NCKAP5: variants seen among roughly 807,000 people sequenced by gnomAD.
The protein encoded by NCKAP5 is NCK associated protein 5.
Under a neutral mutation model 167.0 loss-of-function variants are expected in NCKAP5, and 92 were observed. The ratio of observed to expected loss-of-function variants is 0.55; its 90% CI spans 0.47 to 0.66. NCKAP5 has a LOEUF of 0.66. Among genes scored for constraint, NCKAP5 ranks in the 30% least tolerant of loss-of-function variants. The probability of loss-of-function intolerance (pLI) is 0.00; values close to 1 mark genes in which losing one functional copy is unlikely to be tolerated. For synonymous variants in NCKAP5, 891 were observed against 877.4 expected (o/e 1.02, Z -0.27); for missense variants, 2,378 against 2,315.0 (o/e 1.03, Z -0.56).
chr2:133,218,846 C>T (rs1041825125), intron 4 of NCKAP5, among the ~76,000 whole-genome samples: 2 of 152,168 alleles, frequency 1.3e-5, no homozygotes, highest in Admixed American at 6.5e-5. Context: ...ACTATTAGGA[C>T]TGTCACACTG....
chr2:133,436,658 G>A (rs1326014544), intron 3 of NCKAP5, among the ~76,000 whole-genome samples: 1 of 152,052 alleles, frequency 6.6e-6, no homozygotes, highest in Non-Finnish European at 1.5e-5. Context: ...CTCTTCACCT[G>A]GGGAACCTCT....
chr2:133,571,080 C>T (rs1688849332), upstream of NCKAP5, among the ~76,000 whole-genome samples: 1 of 152,168 alleles, frequency 6.6e-6, no homozygotes, highest in African/African-American at 2.4e-5. Context: ...TTTCAAAGCA[C>T]TATTTCTATT....
the NCKAP5 span, among the ~76,000 whole-genome samples, chr2:133,657,250 C>T: frequency 6.6e-6 from 1 of 152,306 alleles, no homozygotes; most frequent in Admixed American, 6.5e-5. Context: ...CCCATCTTGC[C>T]CATGCCCCTC....
At chr2:133,598,730 C>T in the NCKAP5 span, among the ~76,000 whole-genome samples, 97,476 of 152,082 alleles carry the variant, frequency 0.64, 32,727 homozygotes, top group East Asian at 0.94. Flanking sequence ...CTGGCTAGGG[C>T]GAAAGGTAGG....
chr2:133,332,261 CT>C (rs1417682446), intron 3 of NCKAP5, among the ~76,000 whole-genome samples: 1 of 152,092 alleles, frequency 6.6e-6, no homozygotes, highest in African/African-American at 2.4e-5. Context: ...AGAAAACTGC[CT>C]TATAAACACC....
rs1442081384 is a variant in NCKAP5 at position 133,319,262 on chromosome 2, C to A, written c.70-16152G>T. On this transcript the variant is annotated intron_variant, in intron 3 of 19. Transcript: ENST00000409261. ...AATTCAAGGTTTCTTTTCAAAATAT[C>A]TCATTTTTGAGGGTAGAGGGCTGGG... Among the ~76,000 whole-genome samples, 13 of 148,362 alleles carry A rather than the reference C, an allele frequency of 8.8e-5. No individual in the cohort carries two copies. The Admixed American group carries it at 9.1e-4, about 10-fold the overall frequency.
intron 16 of NCKAP5, among the ~76,000 whole-genome samples, chr2:132,763,927 G>A (rs1378271264): frequency 6.6e-6 from 1 of 152,148 alleles, no homozygotes; most frequent in Non-Finnish European, 1.5e-5. Context: ...CTCGATATAG[G>A]CTTGTTGAAC....
At chr2:133,312,417 T>G (rs560182596) in intron 3 of NCKAP5, among the ~76,000 whole-genome samples, 1 of 151,014 alleles carries the variant, frequency 6.6e-6, no homozygotes, top group East Asian at 1.9e-4. Context: ...CAGCTGTAGC[T>G]GGACACACTG....
chr2:133,201,856 C>T (rs915914647), intron 5 of NCKAP5, among the ~76,000 whole-genome samples: 2 of 152,050 alleles, frequency 1.3e-5, no homozygotes, highest in Admixed American at 6.6e-5. Context: ...TGAAGGAGAA[C>T]TACAAACCAC....
At chr2:133,437,938 C>A (rs1690596648) in intron 3 of NCKAP5, among the ~76,000 whole-genome samples, 1 of 142,686 alleles carries the variant, frequency 7.0e-6, no homozygotes, top group African/African-American at 2.6e-5. Context: ...ACTTGTTGAA[C>A]TTACAAATAT....
chr2:133,138,520 G>A (rs1028989843), intron 5 of NCKAP5, among the ~76,000 whole-genome samples: 1 of 152,206 alleles, frequency 6.6e-6, no homozygotes, highest in Admixed American at 6.5e-5. Flanking sequence ...TTTTTCATCA[G>A]TCTAAGTGTC....
At chr2:133,201,368 T>C (rs1559259504) in intron 5 of NCKAP5, among the ~76,000 whole-genome samples, 1 of 152,106 alleles carries the variant, frequency 6.6e-6, no homozygotes, top group Non-Finnish European at 1.5e-5. Flanking sequence ...ACTGAAACCT[T>C]AGATAAAAGA....
chr2:132,746,735 G>T (rs967748027), intron 16 of NCKAP5, among the ~76,000 whole-genome samples: 3 of 152,002 alleles, frequency 2.0e-5, no homozygotes, highest in African/African-American at 7.2e-5. Context: ...TCAGCCAGTG[G>T]ATAAACAAAT....
the NCKAP5 span, among the ~76,000 whole-genome samples, chr2:133,655,871 G>A: frequency 1.2e-4 from 19 of 152,288 alleles, no homozygotes; most frequent in South Asian, 1.5e-3. Flanking sequence ...AGAGCTTGTA[G>A]AGGCTCTGCC....
At chr2:133,155,991 G>A (rs2083563895) in intron 5 of NCKAP5, among the ~76,000 whole-genome samples, 1 of 152,198 alleles carries the variant, frequency 6.6e-6, no homozygotes, top group Non-Finnish European at 1.5e-5. Flanking sequence ...TCAAGTAACT[G>A]CTCCCTACTC....
intron 8 of NCKAP5, among the ~76,000 whole-genome samples, chr2:132,927,494 G>A (rs1574658583): frequency 6.6e-6 from 1 of 152,054 alleles, no homozygotes; most frequent in East Asian, 1.9e-4. Flanking sequence ...TCTGATCCAT[G>A]TGCATGGAAT....
chr2:133,452,366 G>C (rs1295103842), intron 3 of NCKAP5, among the ~76,000 whole-genome samples: 2 of 152,142 alleles, frequency 1.3e-5, no homozygotes, highest in Non-Finnish European at 2.9e-5. Context: ...TGGGATTATG[G>C]GATCAGGGGA....
intron 3 of NCKAP5, among the ~76,000 whole-genome samples, chr2:133,312,186 T>G (rs1431769312): frequency 6.6e-6 from 1 of 152,180 alleles, no homozygotes; most frequent in Non-Finnish European, 1.5e-5. Context: ...ATTTCATCAG[T>G]ATGAATTAAC....
At chr2:133,275,339 C>T (rs1019616939) in intron 4 of NCKAP5, among the ~76,000 whole-genome samples, 2 of 151,912 alleles carry the variant, frequency 1.3e-5, no homozygotes, top group Non-Finnish European at 2.9e-5. Flanking sequence ...TGAAGGTGTT[C>T]GTACTCTGTG....
Sources: allele counts gnomAD v4.1 joint callset (sites outside exome capture counted in the v4.1 genomes callset), GRCh38; gene constraint gnomAD v4.1.1; transcripts MANE v1.5; gene names NCBI Gene and HGNC (gene_info 2026-07-23, HGNC 2026-07-21).